The following AKAP6 variants were observed in gnomAD, a reference collection of about 807,000 sequenced individuals.
AKAP6 encodes the protein A-kinase anchor protein 6.
A neutral mutation model predicts 188.5 loss-of-function variants in AKAP6; 58 were observed. The observed-to-expected ratio is 0.31, with a 90% CI of 0.25 to 0.38. The LOEUF (loss-of-function observed/expected upper bound fraction) is 0.38. AKAP6 is among the 10% of genes least tolerant of loss of function. AKAP6 has a pLI of 1.00. For missense variants in AKAP6, 2,710 were observed against 2,740.0 expected (o/e 0.99, Z 0.24); for synonymous variants, 989 against 998.6 (o/e 0.99, Z 0.18).
intron 7 of AKAP6, among the ~76,000 whole-genome samples, chr14:32,677,103 G>T (rs1423127858): frequency 6.6e-6 from 1 of 152,224 alleles, no homozygotes; most frequent in Non-Finnish European, 1.5e-5. Context: ...TGGGATTGCA[G>T]GCATGCATCA....
chr14:32,654,331 C>T (rs966446292), intron 7 of AKAP6, among the ~76,000 whole-genome samples: 6 of 152,092 alleles, frequency 3.9e-5, no homozygotes, highest in African/African-American at 1.4e-4. Context: ...GCATATTTCT[C>T]ATACCCTGAG....
intron 3 of AKAP6, among the ~76,000 whole-genome samples, chr14:32,541,176 A>G (rs1400398665): frequency 3.3e-5 from 5 of 152,158 alleles, no homozygotes; most frequent in Admixed American, 1.3e-4. Flanking sequence ...CCGGACTGAT[A>G]TGGTGGGACA....
chr14:32,394,820 G>T (rs1167292958), intron 1 of AKAP6, among the ~76,000 whole-genome samples: 1 of 152,110 alleles, frequency 6.6e-6, no homozygotes, highest in African/African-American at 2.4e-5. Context: ...TATGAGTTTA[G>T]TTTTATATTA....
intron 13 of AKAP6, among the ~76,000 whole-genome samples, chr14:32,828,719 G>T (rs1232089257): frequency 6.6e-6 from 1 of 152,162 alleles, no homozygotes; most frequent in Non-Finnish European, 1.5e-5. Flanking sequence ...CTATTCTGTG[G>T]CCAGATTTCA....
intron 2 of AKAP6, among the ~76,000 whole-genome samples, chr14:32,441,950 A>G (rs1890589544): frequency 1.3e-5 from 2 of 152,204 alleles, no homozygotes; most frequent in African/African-American, 4.8e-5. Flanking sequence ...TTTTTTAAAG[A>G]TGTTTGTTTA....
At chr14:32,574,857 A>G (rs1175208315) in intron 4 of AKAP6, among the ~76,000 whole-genome samples, 1 of 152,198 alleles carries the variant, frequency 6.6e-6, no homozygotes, top group Non-Finnish European at 1.5e-5. Flanking sequence ...CTGTAAGTCC[A>G]TCTGGTCAGC....
chr14:32,470,050 A>G (rs576632092), intron 2 of AKAP6, among the ~76,000 whole-genome samples: 1 of 152,280 alleles, frequency 6.6e-6, no homozygotes, highest in East Asian at 1.9e-4. Flanking sequence ...ATATAAAATG[A>G]TGTCATATTA....
intron 12 of AKAP6, among the ~76,000 whole-genome samples, chr14:32,802,008 G>T (rs12880389): frequency 2.0e-5 from 3 of 151,874 alleles, no homozygotes; most frequent in Non-Finnish European, 2.9e-5. Flanking sequence ...CTGCTTCCTG[G>T]CTCTGAGATT....
intron 1 of AKAP6, among the ~76,000 whole-genome samples, chr14:32,355,461 C>G (rs116786659): frequency 0.026 from 3,981 of 152,208 alleles, 172 homozygotes; most frequent in African/African-American, 0.084. Context: ...CACAGACCGT[C>G]TGGCAGGACG....
At chr14:32,592,567 G>A (rs1002350480) in intron 5 of AKAP6, among the ~76,000 whole-genome samples, 1 of 152,178 alleles carries the variant, frequency 6.6e-6, no homozygotes, top group African/African-American at 2.4e-5. Flanking sequence ...AGGCAGATAT[G>A]TAGCCTGTGA....
chr14:32,567,481 G>T (rs548356777), intron 4 of AKAP6, among the ~76,000 whole-genome samples: 1 of 152,194 alleles, frequency 6.6e-6, no homozygotes, highest in Non-Finnish European at 1.5e-5. Flanking sequence ...AAAGTTGGCC[G>T]TAGCATTTTC....
intron 12 of AKAP6, among the ~76,000 whole-genome samples, chr14:32,813,287 C>A (rs2034286392): frequency 6.6e-6 from 1 of 152,040 alleles, no homozygotes. Context: ...CACATTTCTC[C>A]AGGTACCTTA....
chr14:32,804,354 G>A (rs1022173113), intron 12 of AKAP6, among the ~76,000 whole-genome samples: 2 of 152,198 alleles, frequency 1.3e-5, no homozygotes, highest in Admixed American at 6.5e-5. Context: ...CCAAAGGGAG[G>A]AATTTTACAG....
chr14:32,728,886 T>G (rs997602642), intron 9 of AKAP6, among the ~76,000 whole-genome samples: 5 of 152,198 alleles, frequency 3.3e-5, no homozygotes, highest in African/African-American at 1.2e-4. Flanking sequence ...GGGGGCAAGG[T>G]TCACATAATA....
rs56325130 is a variant in AKAP6, at chr14:32,573,157, G to C, written c.2347-3963G>C. On this transcript the variant is annotated intron_variant, in intron 4 of 13. Coordinates refer to ENST00000280979, the MANE Select transcript of AKAP6 (RefSeq NM_004274.5). ...GAAAGGGACAATAAGGACACTGGTAGAAAATAACAGGAAAGACACTGAACA... is the reference window on the plus strand; with the variant it reads ...GAAAGGGACAATAAGGACACTGGTACAAAATAACAGGAAAGACACTGAACA... Among the ~76,000 whole-genome samples the C allele has an allele frequency of 8.0e-3, 1,224 of 152,282 alleles. 24 individuals carry two copies. The highest frequency in any genetic ancestry group is 0.029 in the African/African-American group (1,191 of 41,550).
chr14:32,493,614 A>G (rs1246704486), intron 2 of AKAP6, among the ~76,000 whole-genome samples: 1 of 152,200 alleles, frequency 6.6e-6, no homozygotes, highest in Non-Finnish European at 1.5e-5. Flanking sequence ...AGCCTACATG[A>G]CATCCATTAT....
intron 2 of AKAP6, among the ~76,000 whole-genome samples, chr14:32,521,646 C>G (rs1433834330): frequency 6.6e-6 from 1 of 152,158 alleles, no homozygotes; most frequent in Non-Finnish European, 1.5e-5. Context: ...TGAAGGACCT[C>G]TTCAAGGAGA....
rs79541214 is a variant in AKAP6, at chr14:32,533,467, G to T, written c.325-2087G>T. Reference sequence around the variant, plus strand: ...CAGCCTTCCCTGGGAGGACAACAGGGGAAGTGGGATTCTTGGGCAGAATCA... The same window carrying T: ...CAGCCTTCCCTGGGAGGACAACAGGTGAAGTGGGATTCTTGGGCAGAATCA... On this transcript the variant is annotated intron_variant, in intron 2 of 13. Transcript: ENST00000280979. 6.9e-3 allele frequency among the ~76,000 whole-genome samples: 1,055 copies of T among 152,286 alleles called. 8 individuals carry two copies. Among genetic ancestry groups the T allele is most frequent in the African/African-American group, 0.024 (987 of 41,548 alleles).
chr14:32,411,765 A>G (rs932684622), intron 1 of AKAP6, among the ~76,000 whole-genome samples: 1 of 145,678 alleles, frequency 6.9e-6, no homozygotes, highest in Non-Finnish European at 1.5e-5. Context: ...GGTTTCCAAA[A>G]TCCTCTTGTT....
Sources: allele counts gnomAD v4.1 joint callset (sites outside exome capture counted in the v4.1 genomes callset), GRCh38; gene constraint gnomAD v4.1.1; transcripts MANE v1.5; gene names NCBI Gene and HGNC (gene_info 2026-07-23, HGNC 2026-07-21).